The following PTGIS variants were observed in gnomAD, a reference collection of about 807,000 sequenced individuals.
PTGIS encodes prostaglandin I2 synthase.
PTGIS carries 45 observed loss-of-function variants against 50.3 expected under a neutral mutation model. The observed-to-expected ratio is 0.90, with a 90% CI of 0.70 to 1.15. The LOEUF (loss-of-function observed/expected upper bound fraction) is 1.15. Ranked by LOEUF, PTGIS falls within the 50% of genes most tolerant of loss-of-function variation. PTGIS has a pLI of 0.00. For missense variants in PTGIS, 668 were observed against 661.3 expected (o/e 1.01, Z -0.11); for synonymous variants, 260 against 267.7 (o/e 0.97, Z 0.28).
chr20:49,539,303 AAAGG>A (rs1982161573), intron 5 of PTGIS, among the ~76,000 whole-genome samples: 1 of 152,316 alleles, frequency 6.6e-6, no homozygotes, highest in South Asian at 2.1e-4. Context: ...TAAAACACAA[AAAGG>A]AACACACACA....
intron 1 of PTGIS, among the ~76,000 whole-genome samples, chr20:49,556,366 T>C (rs1316326361): frequency 6.6e-6 from 1 of 152,196 alleles, no homozygotes; most frequent in Non-Finnish European, 1.5e-5. Flanking sequence ...TAAAAGCACC[T>C]TGGAAAAACT....
chr20:49,525,068 C>T (rs952259125), intron 5 of PTGIS, among the ~76,000 whole-genome samples: 1 of 152,218 alleles, frequency 6.6e-6, no homozygotes, highest in Non-Finnish European at 1.5e-5. Context: ...TGAGCAGGCT[C>T]AGCACAGCAG....
chr20:49,529,957 C>T (rs995158886), intron 5 of PTGIS, among the ~76,000 whole-genome samples: 3 of 151,972 alleles, frequency 2.0e-5, no homozygotes, highest in East Asian at 3.9e-4. Flanking sequence ...GAGTTCGAGT[C>T]CAGTATGACC....
chr20:49,563,592 G>A (rs996527444), intron 1 of PTGIS, among the ~76,000 whole-genome samples: 2 of 152,164 alleles, frequency 1.3e-5, no homozygotes, highest in African/African-American at 4.8e-5. Flanking sequence ...GAAGAAGTTG[G>A]AAATCTAGAT....
intron 6 of PTGIS, among the ~76,000 whole-genome samples, chr20:49,523,474 AT>A (rs1235728221): frequency 6.6e-6 from 1 of 151,494 alleles, no homozygotes; most frequent in Non-Finnish European, 1.5e-5. Flanking sequence ...ATTTTTCCAA[AT>A]TAAAAAAAAA....
chr20:49,542,951 C>T lies in PTGIS; in HGVS notation c.521+1354G>A, dbSNP rs1346661872. 3.3e-5 allele frequency among the ~76,000 whole-genome samples: 4 copies of T among 119,736 alleles called. No homozygotes were observed. The South Asian group carries it at 7.8e-4, about 23-fold the overall frequency. 78.6% of individuals were successfully genotyped at this position (119,736 alleles called of 152,430 possible). ...GAGCATTAAAAGAGCTGAGACACGC[C>T]GAGTCTACACATATGCACACACATA... On this transcript the variant is annotated intron_variant, in intron 4 of 9. Transcript: ENST00000244043.
intron 1 of PTGIS, among the ~76,000 whole-genome samples, chr20:49,559,242 C>T (rs1482691610): frequency 6.6e-6 from 1 of 152,120 alleles, no homozygotes; most frequent in Admixed American, 6.5e-5. Flanking sequence ...AATCTTTTGT[C>T]CCCAGCCCTT....
chr20:49,521,329 T>G (rs1415139076), intron 6 of PTGIS, among the ~76,000 whole-genome samples: 1 of 152,164 alleles, frequency 6.6e-6, no homozygotes, highest in Non-Finnish European at 1.5e-5. Flanking sequence ...CAGAAACTCC[T>G]AGGCCAAGTA....
At chr20:49,513,557 G>C (rs1306228189) in intron 7 of PTGIS, among the ~76,000 whole-genome samples, 1 of 152,092 alleles carries the variant, frequency 6.6e-6, no homozygotes, top group Non-Finnish European at 1.5e-5. Flanking sequence ...ATCAATCTCT[G>C]TTCCTGTCTG....
intron 6 of PTGIS, among the ~76,000 whole-genome samples, chr20:49,516,154 C>T (rs1981469053): frequency 1.3e-5 from 2 of 151,690 alleles, no homozygotes; most frequent in Admixed American, 6.6e-5. Flanking sequence ...GAAGCACAGA[C>T]CATCTCTAAG....
intron 6 of PTGIS, among the ~76,000 whole-genome samples, chr20:49,515,021 C>A (rs1191478439): frequency 3.3e-5 from 5 of 152,182 alleles, no homozygotes; most frequent in Non-Finnish European, 7.3e-5. Context: ...TGAGCCAGAC[C>A]CACAGACCCG....
At chr20:49,513,403 G>A in intron 7 of PTGIS, 142 bp from the exon 8 acceptor site, 7 of 929,290 alleles carry the variant, frequency 7.5e-6, no homozygotes, top group Non-Finnish European at 1.0e-5. Context: ...ATAGCAAGGT[G>A]AAAAAGGACA....
At chr20:49,548,169 C>A in intron 2 of PTGIS, 150 bp from the exon 3 acceptor site, 1 of 767,302 alleles carries the variant, frequency 1.3e-6, no homozygotes, top group Non-Finnish European at 2.2e-6. Flanking sequence ...CACCTACCAC[C>A]CTGTGAGGTA....
At chr20:49,542,597 A>G (rs565283751) in intron 4 of PTGIS, among the ~76,000 whole-genome samples, 125 of 152,216 alleles carry the variant, frequency 8.2e-4, no homozygotes, top group African/African-American at 2.9e-3. Flanking sequence ...GAGCCAGGAG[A>G]CCTGGGAGGA....
intron 1 of PTGIS, among the ~76,000 whole-genome samples, chr20:49,564,237 G>A (rs1982841134): frequency 6.6e-6 from 1 of 152,286 alleles, no homozygotes. Flanking sequence ...ATATTCAAGG[G>A]TGGAATATCA....
chr20:49,537,671 C>T (rs968868215), intron 5 of PTGIS, among the ~76,000 whole-genome samples: 2 of 152,188 alleles, frequency 1.3e-5, no homozygotes, highest in African/African-American at 2.4e-5. Flanking sequence ...AGGAGAATTG[C>T]TTGACCCCGG....
At chr20:49,544,871 G>A (rs574605146) in intron 3 of PTGIS, among the ~76,000 whole-genome samples, 3 of 152,294 alleles carry the variant, frequency 2.0e-5, no homozygotes, top group Admixed American at 6.5e-5. Flanking sequence ...GACCCATAGC[G>A]TTCTGGAAGA....
In PTGIS at chr20:49,504,927, A is replaced by G. The variant is rs1327979457; in HGVS notation, c.*2993T>C. 1 of 152,072 alleles carries G rather than the reference A, an allele frequency of 6.6e-6. No homozygotes were observed. Among genetic ancestry groups the G allele is most frequent in the African/African-American group, 2.4e-5 (1 of 41,380 alleles). The allele number at this position is 152,072 out of a possible 1,614,324, so 9.4% of individuals were successfully genotyped here. ...ATCACGAGCTCAGGAGATCAAGACC[A>G]TCCTGGCTAATACGGTGAAATCCCA... On this transcript the variant is annotated 3_prime_UTR_variant, in exon 10 of 10. Coordinates refer to ENST00000244043, the MANE Select transcript of PTGIS (RefSeq NM_000961.4).
rs1244879954 is a variant in PTGIS, at chr20:49,557,817, A to T, written c.75-7628T>A. Among the ~76,000 whole-genome samples the T allele has an allele frequency of 2.6e-5, 4 of 152,160 alleles. No homozygotes were observed. The East Asian group carries it at 7.7e-4, about 29-fold the overall frequency. ...GTGCTGATTTACTGTGCATGAGAGA[A>T]ATACATCATTGACTATCGCCCTACC... On this transcript the variant is annotated intron_variant, in intron 1 of 9. Transcript: ENST00000244043.
Sources: allele counts gnomAD v4.1 joint callset (sites outside exome capture counted in the v4.1 genomes callset), GRCh38; gene constraint gnomAD v4.1.1; transcripts MANE v1.5; gene names NCBI Gene and HGNC (gene_info 2026-07-23, HGNC 2026-07-21).